The following CLSTN2 variants were observed in gnomAD, a reference collection of about 807,000 sequenced individuals.
The protein encoded by CLSTN2 is calsyntenin 2.
Under a neutral mutation model 101.2 loss-of-function variants are expected in CLSTN2, and 48 were observed. The ratio of observed to expected loss-of-function variants is 0.47; its 90% confidence interval spans 0.38 to 0.60. The LOEUF is 0.60. Among genes scored for constraint, CLSTN2 ranks in the 20% least tolerant of loss-of-function variants. CLSTN2 has a pLI of 0.00. For synonymous variants in CLSTN2, 481 were observed against 463.6 expected (o/e 1.04, Z -0.48); for missense variants, 1,160 against 1,238.2 (o/e 0.94, Z 0.95).
intron 1 of CLSTN2, among the ~76,000 whole-genome samples, chr3:140,103,022 A>C (rs1438312354): frequency 6.6e-6 from 1 of 152,188 alleles, no homozygotes; most frequent in East Asian, 1.9e-4. Context: ...AAATCACATA[A>C]CTTACTGCCT....
intron 7 of CLSTN2, among the ~76,000 whole-genome samples, chr3:140,465,676 T>C (rs915797302): frequency 2.0e-5 from 3 of 152,212 alleles, no homozygotes; most frequent in Non-Finnish European, 4.4e-5. Flanking sequence ...TGGGATACAT[T>C]ATGATAATCC....
At chr3:140,247,985 T>G (rs1443044274) in intron 2 of CLSTN2, among the ~76,000 whole-genome samples, 2 of 152,184 alleles carry the variant, frequency 1.3e-5, no homozygotes, top group African/African-American at 4.8e-5. Context: ...CTCCCAGGGT[T>G]GAGGTCACCT....
intron 2 of CLSTN2, among the ~76,000 whole-genome samples, chr3:140,333,972 T>A (rs1450428368): frequency 6.6e-6 from 1 of 152,084 alleles, no homozygotes. Context: ...CTGGATGATA[T>A]GTCACTTTGA....
intron 8 of CLSTN2, among the ~76,000 whole-genome samples, chr3:140,509,502 C>CTGA (rs1934762818): frequency 6.6e-6 from 1 of 152,194 alleles, no homozygotes; most frequent in African/African-American, 2.4e-5. Flanking sequence ...TGAAAGAAGC[C>CTGA]TGATGGACTG....
At chr3:140,506,399 G>A (rs755092863) in intron 8 of CLSTN2, among the ~76,000 whole-genome samples, 4 of 151,740 alleles carry the variant, frequency 2.6e-5, no homozygotes, top group Admixed American at 6.6e-5. Context: ...CCTCTCTTTC[G>A]TCACACTCCC....
chr3:140,498,889 T>C (rs1287634485), intron 8 of CLSTN2, among the ~76,000 whole-genome samples: 3 of 152,106 alleles, frequency 2.0e-5, no homozygotes, highest in African/African-American at 7.2e-5. Context: ...AAATCCAAGA[T>C]TGTACAAAGA....
intron 1 of CLSTN2, among the ~76,000 whole-genome samples, chr3:140,076,479 G>T (rs571959528): frequency 6.6e-6 from 1 of 152,194 alleles, no homozygotes; most frequent in Admixed American, 6.5e-5. Flanking sequence ...GTCTCCTATA[G>T]CTTGGTAGGC....
chr3:140,117,813 A>G (rs1224113761), intron 1 of CLSTN2, among the ~76,000 whole-genome samples: 1 of 152,194 alleles, frequency 6.6e-6, no homozygotes, highest in East Asian at 1.9e-4. Context: ...GACCAAGGTT[A>G]CAGAGCTCAG....
At chr3:140,479,435 G>A (rs938506327) in intron 8 of CLSTN2, among the ~76,000 whole-genome samples, 1 of 152,170 alleles carries the variant, frequency 6.6e-6, no homozygotes. Context: ...ATAATATCCA[G>A]TGTGCAATAA....
At chr3:140,435,690 T>C (rs1476143144) in intron 5 of CLSTN2, among the ~76,000 whole-genome samples, 1 of 152,206 alleles carries the variant, frequency 6.6e-6, no homozygotes, top group Non-Finnish European at 1.5e-5. Context: ...CCACCAACAG[T>C]GTACAAGGGT....
At chr3:140,114,989 C>G (rs1295682817) in intron 1 of CLSTN2, among the ~76,000 whole-genome samples, 1 of 152,190 alleles carries the variant, frequency 6.6e-6, no homozygotes, top group African/African-American at 2.4e-5. Context: ...TGCCAGCTCT[C>G]TTCAGTACCT....
intron 1 of CLSTN2, among the ~76,000 whole-genome samples, chr3:140,163,345 G>T (rs576805441): frequency 6.6e-6 from 1 of 151,832 alleles, no homozygotes; most frequent in Admixed American, 6.6e-5. Context: ...CAGCCTGCAG[G>T]CCTGACCTAC....
Position 140,562,200 on chromosome 3 carries a change from A to G in CLSTN2, c.2104A>G (p.Ile702Val). 1.9e-6 allele frequency: 3 copies of G among 1,614,070 alleles called. No individual in the cohort carries two copies. The highest frequency in any genetic ancestry group is 2.5e-6 in the Non-Finnish European group (3 of 1,179,950). Residue 702 changes from isoleucine (I) to valine (V), a missense_variant, in exon 13 of 17, where the codon ATC becomes GTC. Physicochemically the swap from Ile to Val is conservative, Grantham distance 29 (BLOSUM62 3). Transcript: ENST00000458420. ...HNLDFCDILV[I>V]GGDLDPRQEC... ...CTTAGATTTCTGTGACATTTTGGTG[A>G]TCGGAGGGGACTTGGACCCAAGGCA...
intron 1 of CLSTN2, among the ~76,000 whole-genome samples, chr3:139,971,018 A>G (rs1248545173): frequency 1.3e-5 from 2 of 152,202 alleles, no homozygotes; most frequent in Non-Finnish European, 2.9e-5. Context: ...GAGGAAATCA[A>G]TCAAAGGGAA....
At chr3:140,560,604 C>T (rs960346053) in intron 12 of CLSTN2, among the ~76,000 whole-genome samples, 2 of 152,112 alleles carry the variant, frequency 1.3e-5, no homozygotes, top group Admixed American at 1.3e-4. Flanking sequence ...AGGGCTCATC[C>T]ATGGCCGATT....
intron 1 of CLSTN2, among the ~76,000 whole-genome samples, chr3:140,159,991 A>G (rs1275879230): frequency 1.3e-5 from 2 of 152,064 alleles, no homozygotes; most frequent in African/African-American, 4.8e-5. Flanking sequence ...GAAACAATAG[A>G]TACTATGGAC....
At chr3:140,332,612 C>G (rs78822868) in intron 2 of CLSTN2, among the ~76,000 whole-genome samples, 1 of 151,752 alleles carries the variant, frequency 6.6e-6, no homozygotes, top group Non-Finnish European at 1.5e-5. Flanking sequence ...CTGGAAGGTG[C>G]TGAGCAAATG....
At chr3:139,961,139 G>C (rs56732328) in intron 1 of CLSTN2, among the ~76,000 whole-genome samples, 1,695 of 152,220 alleles carry the variant, frequency 0.011, 28 homozygotes, top group African/African-American at 0.039. Flanking sequence ...TTCACATAGG[G>C]AAGTCAGGGA....
intron 1 of CLSTN2, among the ~76,000 whole-genome samples, chr3:139,943,338 AC>A (rs1189253463): frequency 6.6e-6 from 1 of 151,798 alleles, no homozygotes; most frequent in Non-Finnish European, 1.5e-5. Flanking sequence ...TCTAATTTTG[AC>A]CCCCTCTCCA....
Sources: gnomAD v4.1 joint callset for allele counts (sites outside exome capture counted in the v4.1 genomes callset) on GRCh38, gnomAD v4.1.1 for gene constraint, MANE v1.5 for transcripts, NCBI Gene and HGNC (gene_info 2026-07-23, HGNC 2026-07-21) for gene names.